The following PCDHA1 variants were observed in gnomAD, a reference collection of about 807,000 sequenced individuals.
PCDHA1 encodes protocadherin alpha 1.
In PCDHA1, 42 loss-of-function variants were observed where a neutral mutation model predicts 61.3. The ratio of observed to expected loss-of-function variants is 0.69; its 90% CI spans 0.54 to 0.89. The LOEUF (loss-of-function observed/expected upper bound fraction) is 0.89, where lower values mean the gene tolerates loss of function less well. PCDHA1 is among the 40% of genes least tolerant of loss of function. PCDHA1 has a pLI of 0.00. For missense variants in PCDHA1, 1,256 were observed against 1,235.3 expected, an observed-to-expected ratio of 1.02 and a Z score of -0.25; for synonymous variants, 610 against 553.8, an observed-to-expected ratio of 1.10 and a Z score of -1.43.
chr5:140,791,431 A>T (rs1761648752), intron 1 of PCDHA1, among the ~76,000 whole-genome samples: 1 of 152,274 alleles, frequency 6.6e-6, no homozygotes, highest in Non-Finnish European at 1.5e-5. Context: ...TGTCATAGGA[A>T]GTCCCCAATA....
chr5:140,924,132 T>C (rs1417924703), intron 1 of PCDHA1, among the ~76,000 whole-genome samples: 1 of 152,246 alleles, frequency 6.6e-6, no homozygotes, highest in East Asian at 1.9e-4. Flanking sequence ...TTAGCAGCAT[T>C]AATTTAAAAT....
rs1304325749 is a variant in PCDHA1, at chr5:140,802,378, C to T, written c.2394+13694C>T. ...ACCTGCTCGCTGACGCCCCACGTCC[C>T]CTTCAAGCTGGTGTCCACCTTCAAG... On this transcript the variant is annotated intron_variant, in intron 1 of 3. Coordinates refer to ENST00000504120, the MANE Select transcript of PCDHA1 (RefSeq NM_018900.4). 5.0e-6 allele frequency: 8 copies of T among 1,614,142 alleles called. No individual in the cohort carries two copies. In the Admixed American group the frequency reaches 8.3e-5, roughly 17 times the overall value.
intron 1 of PCDHA1, chr5:140,862,653 G>A: frequency 1.8e-6 from 1 of 544,670 alleles, no homozygotes; most frequent in Non-Finnish European, 3.7e-6. Context: ...TGTCCGCGCG[G>A]GACCGGGACG....
At chr5:140,819,899 A>G (rs1188836600) in intron 1 of PCDHA1, among the ~76,000 whole-genome samples, 1 of 152,028 alleles carries the variant, frequency 6.6e-6, no homozygotes, top group Non-Finnish European at 1.5e-5. Flanking sequence ...TCTGCAGATT[A>G]CAATGTACAC....
At chr5:140,849,773 C>G in intron 1 of PCDHA1, 1 of 1,598,418 alleles carries the variant, frequency 6.3e-7, no homozygotes, top group Non-Finnish European at 8.6e-7. Context: ...TGGTGGTTAC[C>G]GCGCGGGACG....
chr5:140,925,836 C>G (rs2082758211), intron 1 of PCDHA1, among the ~76,000 whole-genome samples: 1 of 152,104 alleles, frequency 6.6e-6, no homozygotes, highest in African/African-American at 2.4e-5. Context: ...GACGGGTCGT[C>G]AAGTCTTTGA....
intron 1 of PCDHA1, among the ~76,000 whole-genome samples, chr5:140,978,417 A>G (rs2096800848): frequency 6.6e-6 from 1 of 152,158 alleles, no homozygotes. Context: ...CAGAAAAGAG[A>G]CTGTTATCAG....
rs78283049 is a variant in PCDHA1 at position 140,938,200 on chromosome 5, C to G, written c.2395-40749C>G. 2.3e-3 allele frequency among the ~76,000 whole-genome samples: 352 copies of G among 152,306 alleles called. 1 individual carries two copies. The highest frequency in any genetic ancestry group is 8.1e-3 in the African/African-American group (335 of 41,568). On this transcript the variant is annotated intron_variant, in intron 1 of 3. Coordinates refer to ENST00000504120, the MANE Select transcript of PCDHA1 (RefSeq NM_018900.4). ...GGCTCAAGCAATCCTCCCACGCCAG[C>G]CTCCCAAAGTGCTGGGATTACAGGC... is the stretch of plus-strand genomic sequence containing the variant.
chr5:141,011,084 C>A lies in PCDHA1; in HGVS notation c.*1147C>A, dbSNP rs928216799. Reference sequence around the variant, plus strand: ...CATGTATTACTAAATAAAATGATCTCTCTTTCTCTCTCTCTCTCTCTTTTC... The same window carrying A: ...CATGTATTACTAAATAAAATGATCTATCTTTCTCTCTCTCTCTCTCTTTTC... On this transcript the variant is annotated 3_prime_UTR_variant, in exon 4 of 4. Transcript: ENST00000504120. 1.3e-5 allele frequency: 2 copies of A among 153,722 alleles called. No individual in the cohort carries two copies. The highest frequency in any genetic ancestry group is 2.9e-5 in the Non-Finnish European group (2 of 68,048). The allele number at this position is 153,722 out of a possible 1,614,324, so 9.5% of individuals were successfully genotyped here.
chr5:140,791,524 T>G (rs1554118678), intron 1 of PCDHA1, among the ~76,000 whole-genome samples: 1 of 152,182 alleles, frequency 6.6e-6, no homozygotes, highest in African/African-American at 2.4e-5. Flanking sequence ...CAACAGCATA[T>G]GTATTGAGGT....
chr5:140,869,309 A>T, intron 1 of PCDHA1: 1 of 1,613,682 alleles, frequency 6.2e-7, no homozygotes, highest in Non-Finnish European at 8.5e-7. Context: ...GTGGCGTCCA[A>T]AACACATGGG....
chr5:140,795,273 C>T lies in PCDHA1; in HGVS notation c.2394+6589C>T, dbSNP rs782414767. ...TGTGCGGGCGGAGCGCGGAATGTAG[C>T]ATCCACGTGGAGGTGATCGTGGACA... On this transcript the variant is annotated intron_variant, in intron 1 of 3. Transcript: ENST00000504120. 4 of 1,614,274 alleles carry T rather than the reference C, an allele frequency of 2.5e-6. No homozygotes were observed. In the Admixed American group the frequency reaches 5.0e-5, roughly 20 times the overall value.
intron 1 of PCDHA1, among the ~76,000 whole-genome samples, chr5:140,896,201 C>G (rs1583224545): frequency 6.6e-6 from 1 of 152,344 alleles, no homozygotes; most frequent in African/African-American, 2.4e-5. Context: ...CCATGATGAA[C>G]ATACACATAC....
At chr5:140,988,756 A>G (rs577332845) in intron 3 of PCDHA1, among the ~76,000 whole-genome samples, 170 of 152,318 alleles carry the variant, frequency 1.1e-3, no homozygotes, top group African/African-American at 4.0e-3. Flanking sequence ...TGGCCTGGGC[A>G]GAATACAGTC....
intron 1 of PCDHA1, chr5:140,851,075 A>C: frequency 7.4e-7 from 1 of 1,344,688 alleles, no homozygotes; most frequent in South Asian, 2.1e-5. Flanking sequence ...GAGAATTATA[A>C]ACTGTATATT....
intron 1 of PCDHA1, among the ~76,000 whole-genome samples, chr5:140,873,979 T>C (rs1210499789): frequency 6.6e-6 from 1 of 152,156 alleles, no homozygotes; most frequent in Non-Finnish European, 1.5e-5. Context: ...AAAATTAAAG[T>C]TCCTTAGCAT....
intron 1 of PCDHA1, among the ~76,000 whole-genome samples, chr5:140,847,134 A>G (rs1210661520): frequency 6.7e-6 from 1 of 149,754 alleles, no homozygotes; most frequent in African/African-American, 2.4e-5. Flanking sequence ...AGGAAAACCA[A>G]TGTAAGAAGA....
At chr5:140,838,888 C>G (rs2150293453) in intron 1 of PCDHA1, among the ~76,000 whole-genome samples, 1 of 151,810 alleles carries the variant, frequency 6.6e-6, no homozygotes, top group East Asian at 1.9e-4. Flanking sequence ...GAACTCCAGC[C>G]TAGGTGACAG....
At chr5:140,829,852 AG>A in intron 1 of PCDHA1, 1 of 1,613,942 alleles carries the variant, frequency 6.2e-7, no homozygotes, top group Non-Finnish European at 8.5e-7. Flanking sequence ...CACTGGGTGC[AG>A]GCCAAGTGGT....
Sources: gnomAD v4.1 joint callset for allele counts (sites outside exome capture counted in the v4.1 genomes callset) on GRCh38, gnomAD v4.1.1 for gene constraint, MANE v1.5 for transcripts, NCBI Gene and HGNC (gene_info 2026-07-23, HGNC 2026-07-21) for gene names.